FARS2: variants seen among roughly 807,000 people sequenced by gnomAD.
The protein encoded by FARS2 is phenylalanyl-tRNA synthetase 2, mitochondrial, also known as phenylalanine--tRNA ligase, mitochondrial.
Under a neutral mutation model 46.4 loss-of-function variants are expected in FARS2, and 40 were observed. That is an observed-to-expected ratio of 0.86 (90% CI 0.67 to 1.12). The LOEUF is 1.12. Ranked by LOEUF, FARS2 falls within the 50% of genes most tolerant of loss-of-function variation. The pLI, the probability that FARS2 is intolerant of heterozygous loss-of-function variation, is 0.00. For missense variants in FARS2, 513 were observed against 567.9 expected (o/e 0.90, Z 0.98); for synonymous variants, 234 against 214.9 (o/e 1.09, Z -0.78).
At chr6:5,506,325 G>T (rs901318438) in intron 4 of FARS2, among the ~76,000 whole-genome samples, 3 of 152,188 alleles carry the variant, frequency 2.0e-5, no homozygotes, top group Admixed American at 6.5e-5. Flanking sequence ...TCTAACGGAA[G>T]TTTTTTAGCA....
intron 6 of FARS2, among the ~76,000 whole-genome samples, chr6:5,676,786 A>G (rs1156623394): frequency 6.6e-5 from 10 of 152,214 alleles, no homozygotes; most frequent in Admixed American, 5.9e-4. Flanking sequence ...TCTCAAGTGT[A>G]TGCCCCGTCT....
intron 4 of FARS2, among the ~76,000 whole-genome samples, chr6:5,496,094 C>T (rs933534071): frequency 2.8e-4 from 43 of 152,104 alleles, no homozygotes; most frequent in South Asian, 1.0e-3. Context: ...ACTTTCTTCC[C>T]GATTACTACG....
intron 4 of FARS2, among the ~76,000 whole-genome samples, chr6:5,542,813 T>G (rs764209550): frequency 9.2e-5 from 14 of 152,230 alleles, no homozygotes; most frequent in Non-Finnish European, 1.8e-4. Context: ...ATTTTCTGAT[T>G]TCCCTTGTGA....
chr6:5,632,823 A>G (rs1337124471), intron 6 of FARS2, among the ~76,000 whole-genome samples: 4 of 152,038 alleles, frequency 2.6e-5, no homozygotes, highest in African/African-American at 7.3e-5. Context: ...CCACTTTTCA[A>G]TTGAGTTCTC....
At chr6:5,475,708 G>A (rs1310605795) in intron 4 of FARS2, among the ~76,000 whole-genome samples, 1 of 152,040 alleles carries the variant, frequency 6.6e-6, no homozygotes, top group Non-Finnish European at 1.5e-5. Context: ...GCTCTTACTG[G>A]TCTCTGTAGC....
chr6:5,695,699 C>G (rs1758059392), intron 6 of FARS2, among the ~76,000 whole-genome samples: 1 of 152,162 alleles, frequency 6.6e-6, no homozygotes, highest in Non-Finnish European at 1.5e-5. Flanking sequence ...AAATTAGAAG[C>G]AGTTCTTCCT....
At chr6:5,634,873 CATG>C (rs1776468382) in intron 6 of FARS2, among the ~76,000 whole-genome samples, 1 of 152,178 alleles carries the variant, frequency 6.6e-6, no homozygotes. Context: ...GAGCTTTCAT[CATG>C]ATTTCTGGAG....
chr6:5,356,211 G>A (rs1187658435), intron 1 of FARS2, among the ~76,000 whole-genome samples: 2 of 152,210 alleles, frequency 1.3e-5, no homozygotes, highest in Non-Finnish European at 2.9e-5. Context: ...CACTTTGGGA[G>A]GCCGAGGTGG....
At chr6:5,264,261 C>A (rs1458320246) in intron 1 of FARS2, among the ~76,000 whole-genome samples, 1 of 151,894 alleles carries the variant, frequency 6.6e-6, no homozygotes, top group East Asian at 1.9e-4. Flanking sequence ...AAAGAAAAAA[C>A]AACAACAACA....
chr6:5,260,212 G>A (rs1454959305), upstream of FARS2, among the ~76,000 whole-genome samples: 1 of 152,182 alleles, frequency 6.6e-6, no homozygotes, highest in Non-Finnish European at 1.5e-5. Flanking sequence ...GTGCTAGAGT[G>A]TGCCTTCAGC....
chr6:5,714,393 T>C (rs1156423882), intron 6 of FARS2, among the ~76,000 whole-genome samples: 1 of 152,180 alleles, frequency 6.6e-6, no homozygotes, highest in Admixed American at 6.5e-5. Flanking sequence ...TATTATCCTT[T>C]GCTGTCCCCG....
chr6:5,511,635 A>G (rs1337340154), intron 4 of FARS2, among the ~76,000 whole-genome samples: 4 of 152,252 alleles, frequency 2.6e-5, no homozygotes, highest in Admixed American at 2.6e-4. Context: ...GTAATGCCTA[A>G]GCCAGGTAAT....
chr6:5,380,624 C>CA (rs1759694863), intron 2 of FARS2, among the ~76,000 whole-genome samples: 1 of 152,132 alleles, frequency 6.6e-6, no homozygotes, highest in African/African-American at 2.4e-5. Flanking sequence ...CGGTGCCACT[C>CA]GCATAGTGTT....
intron 6 of FARS2, among the ~76,000 whole-genome samples, chr6:5,651,761 G>C (rs1399976763): frequency 6.6e-6 from 1 of 152,178 alleles, no homozygotes; most frequent in Non-Finnish European, 1.5e-5. Flanking sequence ...AGCCCTATTA[G>C]ATGGTAGTCA....
chr6:5,374,777 T>C (rs987525354), intron 2 of FARS2, among the ~76,000 whole-genome samples: 1 of 152,078 alleles, frequency 6.6e-6, no homozygotes, highest in African/African-American at 2.4e-5. Flanking sequence ...TACATTACAT[T>C]GTACTGTATT....
intron 4 of FARS2, among the ~76,000 whole-genome samples, chr6:5,488,201 C>T (rs932683646): frequency 6.6e-6 from 1 of 152,206 alleles, no homozygotes; most frequent in South Asian, 2.1e-4. Context: ...CCCAACTTTC[C>T]CCTAACAGTA....
At chr6:5,346,322 G>A (rs934601618) in intron 1 of FARS2, among the ~76,000 whole-genome samples, 9 of 152,090 alleles carry the variant, frequency 5.9e-5, no homozygotes, top group East Asian at 1.9e-4. Context: ...CACCTCCAGC[G>A]GTGATTTTCT....
At chr6:5,576,576 T>C (rs935961221) in intron 5 of FARS2, among the ~76,000 whole-genome samples, 2 of 145,872 alleles carry the variant, frequency 1.4e-5, no homozygotes, top group Admixed American at 6.8e-5. Flanking sequence ...AGTATATATC[T>C]ATGATATATA....
At chr6:5,448,460 A>G (rs1582134520) in intron 4 of FARS2, among the ~76,000 whole-genome samples, 1 of 113,116 alleles carries the variant, frequency 8.8e-6, no homozygotes, top group South Asian at 3.4e-4. Context: ...AAAGCAGCAC[A>G]CATTTTTTCT....
Sources: allele counts gnomAD v4.1 joint callset (sites outside exome capture counted in the v4.1 genomes callset), GRCh38; gene constraint gnomAD v4.1.1; transcripts MANE v1.5; gene names NCBI Gene and HGNC (gene_info 2026-07-23, HGNC 2026-07-21).